GTF2H3: variants seen among roughly 807,000 people sequenced by gnomAD.
GTF2H3 encodes general transcription factor IIH subunit 3.
Under a neutral mutation model 51.1 loss-of-function variants are expected in GTF2H3, and 42 were observed. The observed-to-expected ratio is 0.82, with a 90% CI of 0.64 to 1.06. GTF2H3 has a LOEUF of 1.06. Ranked by LOEUF, GTF2H3 falls within the 50% of genes least tolerant of loss-of-function variation. The pLI is 0.00. For synonymous variants in GTF2H3, 123 were observed against 123.8 expected, an observed-to-expected ratio of 0.99 and a Z score of 0.04; for missense variants, 326 against 366.1, an observed-to-expected ratio of 0.89 and a Z score of 0.89.
At chr12:123,644,513 A>G (rs1955420426) in intron 2 of GTF2H3, among the ~76,000 whole-genome samples, 1 of 152,056 alleles carries the variant, frequency 6.6e-6, no homozygotes, top group South Asian at 2.1e-4. Flanking sequence ...TAAAAATACA[A>G]AAATTAGCTG....
chr12:123,639,150 A>G, intron 1 of GTF2H3, 114 bp from the exon 2 acceptor site: 1 of 621,910 alleles, frequency 1.6e-6, no homozygotes, highest in Non-Finnish European at 2.9e-6. Context: ...AAGGTGATAA[A>G]CATTTAAGGC....
At chr12:123,639,602 G>A (rs527862711) in intron 2 of GTF2H3, among the ~76,000 whole-genome samples, 1 of 152,210 alleles carries the variant, frequency 6.6e-6, no homozygotes, top group South Asian at 2.1e-4. Context: ...CAAGCTGCAA[G>A]CAACCACTGA....
intron 1 of GTF2H3, among the ~76,000 whole-genome samples, chr12:123,636,157 G>A (rs1955279936): frequency 6.6e-6 from 1 of 152,148 alleles, no homozygotes; most frequent in Non-Finnish European, 1.5e-5. Flanking sequence ...ACTATTCAAT[G>A]TAAAAAACAA....
intron 7 of GTF2H3, among the ~76,000 whole-genome samples, chr12:123,654,666 G>T (rs1486670411): frequency 6.6e-6 from 1 of 151,960 alleles, no homozygotes; most frequent in Non-Finnish European, 1.5e-5. Context: ...TTGTGTATGT[G>T]TGTGTTTGTG....
intron 1 of GTF2H3, among the ~76,000 whole-genome samples, chr12:123,637,126 A>G (rs1261040996): frequency 6.6e-6 from 1 of 152,204 alleles, no homozygotes; most frequent in Non-Finnish European, 1.5e-5. Flanking sequence ...TGGGCCTTTC[A>G]TAACAGTGTA....
Position 123,660,247 on chromosome 12 carries a change from T to A in GTF2H3, c.*12T>A. ...AAGTGTCTGCCTGAGGATAAAATATTTTCCCCATCTTTTAGAGCTGTTAAT... is the reference window on the plus strand; with the variant it reads ...AAGTGTCTGCCTGAGGATAAAATATATTCCCCATCTTTTAGAGCTGTTAAT... On this transcript the variant is annotated 3_prime_UTR_variant, in exon 13 of 13. Transcript: ENST00000543341. 1 of 1,587,602 alleles carries A rather than the reference T, an allele frequency of 6.3e-7. No individual in the cohort carries two copies. The highest frequency in any genetic ancestry group is 8.6e-7 in the Non-Finnish European group (1 of 1,163,876).
intron 1 of GTF2H3, among the ~76,000 whole-genome samples, chr12:123,634,848 A>G (rs1404872771): frequency 6.6e-6 from 1 of 152,270 alleles, no homozygotes; most frequent in Non-Finnish European, 1.5e-5. Flanking sequence ...TGGCCGTGAT[A>G]GAGAAGTTGG....
At chr12:123,659,422 T>C in intron 9 of GTF2H3, 94 bp from the exon 10 acceptor site, 6 of 858,880 alleles carry the variant, frequency 7.0e-6, no homozygotes, top group Non-Finnish European at 1.0e-5. Context: ...CCTCCTCTGA[T>C]TTTGTAGGCC....
chr12:123,639,869 A>G (rs772171921), intron 2 of GTF2H3: 3 of 418,788 alleles, frequency 7.2e-6, no homozygotes, highest in African/African-American at 2.2e-5. Context: ...CAGGTTTTAC[A>G]TGTGCTCACT....
In GTF2H3 at chr12:123,644,628, T is replaced by C. The variant is rs11572950; in HGVS notation, c.94-827T>C. ...TTGCAGTGAGCCGAGATCAGGCCAC[T>C]GCACTCCAGCCTGGCGACAGAGTGA... On this transcript the variant is annotated intron_variant, in intron 2 of 12. Coordinates refer to ENST00000543341, the MANE Select transcript of GTF2H3 (RefSeq NM_001516.5). 4.3e-3 allele frequency among the ~76,000 whole-genome samples: 653 copies of C among 151,324 alleles called. 3 individuals carry two copies. Among genetic ancestry groups the C allele is most frequent in the Non-Finnish European group, 7.4e-3 (504 of 67,886 alleles).
At chr12:123,650,708 A>G (rs1437335760) in intron 4 of GTF2H3, among the ~76,000 whole-genome samples, 4 of 152,196 alleles carry the variant, frequency 2.6e-5, no homozygotes, top group Non-Finnish European at 5.9e-5. Context: ...ACAAACTGAA[A>G]TTCTGTACCC....
At chr12:123,650,651 C>G (rs1955508711) in intron 4 of GTF2H3, among the ~76,000 whole-genome samples, 1 of 152,164 alleles carries the variant, frequency 6.6e-6, no homozygotes, top group South Asian at 2.1e-4. Context: ...TATTCGCCTT[C>G]TTTTGCAATC....
intron 2 of GTF2H3, among the ~76,000 whole-genome samples, chr12:123,642,507 C>T (rs1450709998): frequency 6.6e-6 from 1 of 152,158 alleles, no homozygotes; most frequent in African/African-American, 2.4e-5. Context: ...CAAAAAAGAT[C>T]ATGTACACAT....
chr12:123,651,889 TTC>T (rs1167955409), intron 5 of GTF2H3, among the ~76,000 whole-genome samples: 1 of 152,024 alleles, frequency 6.6e-6, no homozygotes, highest in Non-Finnish European at 1.5e-5. Flanking sequence ...AAACTCTAGC[TTC>T]TCCATTATGT....
rs1037371658 is a variant in GTF2H3 at position 123,662,192 on chromosome 12, T to G, written c.*1957T>G. ...ATAAAACCCATTGTGTACAAAACTT[T>G]GTATGTAAGGAAGATTTTAATTTTC... On this transcript the variant is annotated 3_prime_UTR_variant, in exon 13 of 13. Coordinates refer to ENST00000543341, the MANE Select transcript of GTF2H3 (RefSeq NM_001516.5). 1 of 151,888 alleles carries G rather than the reference T, an allele frequency of 6.6e-6. No homozygotes were observed. Among genetic ancestry groups the G allele is most frequent in the Non-Finnish European group, 1.5e-5 (1 of 68,000 alleles). The allele number at this position is 151,888 out of a possible 1,614,324, so 9.4% of individuals were successfully genotyped here.
At chr12:123,659,110 G>A (rs1288625524) in intron 9 of GTF2H3, among the ~76,000 whole-genome samples, 1 of 152,260 alleles carries the variant, frequency 6.6e-6, no homozygotes, top group African/African-American at 2.4e-5. Flanking sequence ...TGCTGGAAAT[G>A]TAAAATGGTA....
At chr12:123,656,009 T>C (rs895003719) in intron 9 of GTF2H3, 185 bp downstream of exon 9, 1 of 469,132 alleles carries the variant, frequency 2.1e-6, no homozygotes, top group Non-Finnish European at 3.8e-6. Flanking sequence ...TACATATTGC[T>C]TGCGTTATAT....
At chr12:123,640,843 A>G (rs1054134231) in intron 2 of GTF2H3, among the ~76,000 whole-genome samples, 10 of 152,342 alleles carry the variant, frequency 6.6e-5, no homozygotes, top group African/African-American at 2.4e-4. Flanking sequence ...TAAAGATTGC[A>G]TGGCTCAAAA....
In GTF2H3 at chr12:123,651,069, T is replaced by C. The variant is rs909045648; in HGVS notation, c.427+13T>C. ...AAAGCCCTTTGCTGTATCCTTGGTG[T>C]CTGAATCATTTAGAAGGTGTCTTCT... On this transcript the variant is annotated intron_variant, in intron 5 of 12. Coordinates refer to ENST00000543341, the MANE Select transcript of GTF2H3 (RefSeq NM_001516.5). 4.4e-6 allele frequency: 7 copies of C among 1,596,840 alleles called. No homozygotes were observed. In the Admixed American group the frequency reaches 8.3e-5, roughly 19 times the overall value.
Sources: gnomAD v4.1 joint callset for allele counts (sites outside exome capture counted in the v4.1 genomes callset) on GRCh38, gnomAD v4.1.1 for gene constraint, MANE v1.5 for transcripts, NCBI Gene and HGNC (gene_info 2026-07-23, HGNC 2026-07-21) for gene names.